The following NBEAL1 variants were observed in gnomAD, a reference collection of about 807,000 sequenced individuals.
NBEAL1 encodes the protein neurobeachin-like protein 1.
Under a neutral mutation model 351.3 loss-of-function variants are expected in NBEAL1, and 273 were observed. The observed-to-expected ratio is 0.78, with a 90% CI of 0.70 to 0.86. The LOEUF (loss-of-function observed/expected upper bound fraction) is 0.86. NBEAL1 is among the 40% of genes least tolerant of loss of function. NBEAL1 has a pLI of 0.00. For missense variants in NBEAL1, 2,961 were observed against 3,201.3 expected (o/e 0.92, Z 1.81); for synonymous variants, 1,050 against 1,086.4 (o/e 0.97, Z 0.66).
chr2:203,139,705 C>T (rs1401345336), intron 31 of NBEAL1, among the ~76,000 whole-genome samples: 1 of 150,750 alleles, frequency 6.6e-6, no homozygotes, highest in Admixed American at 6.6e-5. Flanking sequence ...GCTGGGACTA[C>T]GGGTGCCTGC....
intron 18 of NBEAL1, among the ~76,000 whole-genome samples, chr2:203,118,051 C>T (rs527255243): frequency 6.6e-6 from 1 of 152,178 alleles, no homozygotes; most frequent in East Asian, 1.9e-4. Context: ...GTTTTATTTT[C>T]TCCCTTCTTT....
chr2:203,076,078 G>A (rs2061766475), intron 7 of NBEAL1, among the ~76,000 whole-genome samples: 1 of 152,204 alleles, frequency 6.6e-6, no homozygotes, highest in Admixed American at 6.5e-5. Flanking sequence ...AAGGGGAAAA[G>A]CATAGCAGTT....
At chr2:203,175,012 CAG>C (rs1287719747) in intron 41 of NBEAL1, 133 bp from the exon 42 acceptor site, 5 of 725,452 alleles carry the variant, frequency 6.9e-6, no homozygotes, top group African/African-American at 5.4e-5. Context: ...GATATGAATA[CAG>C]AGTTTGATAA....
At position 203,108,180 on chromosome 2, in the gene NBEAL1, A is replaced by G. The variant is rs1412272598; in HGVS notation, c.1941A>G (p.Gln647=). The G allele has an allele frequency of 6.5e-7, 1 of 1,547,008 alleles. No homozygotes were observed. Among genetic ancestry groups the G allele is most frequent in the East Asian group, 2.4e-5 (1 of 40,854 alleles). Residue 647 remains glutamine, a synonymous_variant, in exon 14 of 56, where the codon CAA becomes CAG. Transcript: ENST00000683969. ...CTAACAAAGGAGGGAAAAGGAAACA[A>G]TTGTACAGGTATTGGTAAAAATTAT... ...GIANKGGKRK[Q]LYSFFTGSGM...
chr2:203,211,232 T>TAGGA (rs1559070246), intron 54 of NBEAL1, 126 bp downstream of exon 54: 3 of 624,214 alleles, frequency 4.8e-6, no homozygotes, highest in Non-Finnish European at 7.1e-6. Context: ...GTTTCTCTTT[T>TAGGA]AGCAAGTATA....
At chr2:203,082,771 T>TA in intron 8 of NBEAL1, among the ~76,000 whole-genome samples, 2 of 152,302 alleles carry the variant, frequency 1.3e-5, no homozygotes, top group African/African-American at 4.8e-5. Flanking sequence ...AATAAGAACA[T>TA]CAAGGACTGA....
chr2:203,167,086 C>A, intron 37 of NBEAL1, 141 bp from the exon 38 acceptor site: 1 of 626,380 alleles, frequency 1.6e-6, no homozygotes, highest in Non-Finnish European at 2.6e-6. Context: ...AAATATCCAA[C>A]ACATTTAACA....
chr2:203,192,963 CTTTTTTTTTTTTTTTT>C (rs71408917), intron 46 of NBEAL1, among the ~76,000 whole-genome samples: 3 of 99,330 alleles, frequency 3.0e-5, no homozygotes, highest in Non-Finnish European at 4.1e-5. Flanking sequence ...TTCTTTCTTT[CTTTTTTTTTTTTTTTT>C]TTTTTTTTTT....
intron 33 of NBEAL1, among the ~76,000 whole-genome samples, chr2:203,146,388 G>A (rs1365844050): frequency 6.6e-6 from 1 of 152,156 alleles, no homozygotes; most frequent in Non-Finnish European, 1.5e-5. Flanking sequence ...CTCATTTGAT[G>A]AGGGTAATAT....
At chr2:203,090,575 C>G (rs1484315994) in intron 10 of NBEAL1, among the ~76,000 whole-genome samples, 1 of 152,088 alleles carries the variant, frequency 6.6e-6, no homozygotes, top group East Asian at 1.9e-4. Context: ...AGCCTGTAGG[C>G]ATTTTTAAAG....
rs941121068 is a variant in NBEAL1, at chr2:203,057,415, A to C, written c.477A>C (p.Leu159Phe). Residue 159 changes from leucine to phenylalanine, a missense_variant, in exon 6 of 56, where the codon TTA (leucine) becomes TTC (phenylalanine). Physicochemically the swap from Leu to Phe is conservative, Grantham distance 22. Transcript: ENST00000683969. Reference sequence around the variant, plus strand: ...ACGCATTGGCATTTTGTGAAAGCTTATATGATCCATATCGGAATTGGAGAC... The same window carrying C: ...ACGCATTGGCATTTTGTGAAAGCTTCTATGATCCATATCGGAATTGGAGAC... ...VIHALAFCES[L>F]YDPYRNWRHR... is the part of the protein sequence containing the mutation. 1 of 1,552,542 alleles carries C rather than the reference A, an allele frequency of 6.4e-7. No individual in the cohort carries two copies. Among genetic ancestry groups the C allele is most frequent in the African/African-American group, 1.4e-5 (1 of 73,404 alleles).
At chr2:203,095,175 G>A (rs970648372) in intron 10 of NBEAL1, among the ~76,000 whole-genome samples, 1 of 152,154 alleles carries the variant, frequency 6.6e-6, no homozygotes, top group African/African-American at 2.4e-5. Flanking sequence ...TAGTAGCAAG[G>A]AGAAGAATTC....
chr2:203,209,749 T>TGTA (rs1553507784), intron 53 of NBEAL1, among the ~76,000 whole-genome samples: 20 of 27,076 alleles, frequency 7.4e-4, no homozygotes, highest in African/African-American at 1.3e-3. Flanking sequence ...GTGTGTGTAT[T>TGTA]TTTTTCTGAG....
chr2:203,074,141 G>A (rs1344931242), intron 7 of NBEAL1, among the ~76,000 whole-genome samples: 1 of 152,064 alleles, frequency 6.6e-6, no homozygotes, highest in African/African-American at 2.4e-5. Flanking sequence ...ATGTGTATAT[G>A]TTAATTAGTT....
At chr2:203,132,546 G>A (rs936820556) in intron 26 of NBEAL1, among the ~76,000 whole-genome samples, 7 of 152,118 alleles carry the variant, frequency 4.6e-5, no homozygotes, top group African/African-American at 1.7e-4. Flanking sequence ...GACCAGGTTG[G>A]TGTGCAGTGG....
chr2:203,143,276 G>A (rs1338604677), intron 31 of NBEAL1, among the ~76,000 whole-genome samples: 1 of 152,148 alleles, frequency 6.6e-6, no homozygotes, highest in Non-Finnish European at 1.5e-5. Context: ...CTTAGTAGTA[G>A]TATACAGTAT....
chr2:203,220,412 A>G lies in NBEAL1; in HGVS notation c.*3058A>G, dbSNP rs905605572. 6.6e-6 allele frequency among the ~76,000 whole-genome samples: 1 copy of G among 151,962 alleles called. No homozygotes were observed. The highest frequency in any genetic ancestry group is 2.4e-5 in the African/African-American group (1 of 41,358). On this transcript the variant is annotated 3_prime_UTR_variant, in exon 56 of 56. Transcript: ENST00000683969. ...GGCAGGAGAATCGCTTGAACCCAGG[A>G]GGCAGAGGTTGCAGTGAGCCAAAAT...
At chr2:203,209,051 AT>A in intron 52 of NBEAL1, 109 bp from the exon 53 acceptor site, 5 of 857,828 alleles carry the variant, frequency 5.8e-6, no homozygotes, top group Non-Finnish European at 8.9e-6. Context: ...TGGAATAATC[AT>A]TTTCTTGGTT....
At chr2:203,207,567 A>G (rs1656986690) in intron 51 of NBEAL1, among the ~76,000 whole-genome samples, 1 of 152,230 alleles carries the variant, frequency 6.6e-6, no homozygotes, top group South Asian at 2.1e-4. Flanking sequence ...GTTCTGTACT[A>G]AGAAAAATTC....
Sources: gnomAD v4.1 joint callset for allele counts (sites outside exome capture counted in the v4.1 genomes callset) on GRCh38, gnomAD v4.1.1 for gene constraint, MANE v1.5 for transcripts, NCBI Gene and HGNC (gene_info 2026-07-23, HGNC 2026-07-21) for gene names.